THSD7A: variants seen among roughly 807,000 people sequenced by gnomAD.
THSD7A encodes the protein thrombospondin type 1 domain containing 7A.
THSD7A carries 96 observed loss-of-function variants against 231.3 expected under a neutral mutation model. That is an observed-to-expected ratio of 0.41 (90% CI 0.35 to 0.49). THSD7A has a LOEUF of 0.49. THSD7A is among the 20% of genes least tolerant of loss of function. The pLI is 0.05. For missense variants in THSD7A, 2,290 were observed against 2,070.2 expected (o/e 1.11, Z -2.06); for synonymous variants, 940 against 743.3 (o/e 1.26, Z -4.30).
At chr7:11,548,369 A>T (rs1212119075) in intron 4 of THSD7A, among the ~76,000 whole-genome samples, 1 of 151,924 alleles carries the variant, frequency 6.6e-6, no homozygotes, top group Non-Finnish European at 1.5e-5. Context: ...GTAATAAAAA[A>T]CCCTTACCAA....
rs117174654 is a variant in THSD7A at position 11,733,505 on chromosome 7, C to G, written c.191-96544G>C. ...AACTTTATCTGATCCTTTATATCTT[C>G]CATTTAGGTGTTTTGAGGTAGAGAA... On this transcript the variant is annotated intron_variant, in intron 1 of 27. Coordinates refer to ENST00000423059, the MANE Select transcript of THSD7A (RefSeq NM_015204.3). 9.5e-3 allele frequency among the ~76,000 whole-genome samples: 1,446 copies of G among 151,854 alleles called. 15 individuals are homozygous for G. The highest frequency in any genetic ancestry group is 0.015 in the Admixed American group (222 of 15,190).
chr7:11,702,139 T>C (rs189516883), intron 1 of THSD7A, among the ~76,000 whole-genome samples: 2 of 151,246 alleles, frequency 1.3e-5, no homozygotes, highest in African/African-American at 4.8e-5. Context: ...TCTATTGCTG[T>C]TTAACAGATC....
chr7:11,736,453 C>CTG (rs61483307), intron 1 of THSD7A, among the ~76,000 whole-genome samples: 14,425 of 143,472 alleles, frequency 0.1, 686 homozygotes, highest in East Asian at 0.16. Flanking sequence ...ACAGCAGACT[C>CTG]TGTGTGTGTG....
intron 24 of THSD7A, among the ~76,000 whole-genome samples, chr7:11,380,244 C>G (rs957909120): frequency 1.3e-5 from 2 of 152,076 alleles, no homozygotes; most frequent in Non-Finnish European, 2.9e-5. Context: ...ACAAATGTAT[C>G]TACGAAATCA....
intron 7 of THSD7A, among the ~76,000 whole-genome samples, chr7:11,481,353 G>C (rs1177235177): frequency 6.6e-6 from 1 of 152,060 alleles, no homozygotes; most frequent in Non-Finnish European, 1.5e-5. Context: ...AGCTATTCTT[G>C]TGATTTTAAA....
intron 1 of THSD7A, among the ~76,000 whole-genome samples, chr7:11,678,760 A>G (rs1230151358): frequency 6.6e-6 from 1 of 152,196 alleles, no homozygotes; most frequent in Non-Finnish European, 1.5e-5. Flanking sequence ...GCCGAATTCT[A>G]CCAGAGGTAC....
intron 13 of THSD7A, among the ~76,000 whole-genome samples, chr7:11,443,332 A>C (rs1027025959): frequency 2.0e-5 from 3 of 152,060 alleles, no homozygotes; most frequent in Non-Finnish European, 4.4e-5. Flanking sequence ...GGTTTTCTAC[A>C]TTATCACCTC....
chr7:11,747,430 A>C (rs1782346824), intron 1 of THSD7A, among the ~76,000 whole-genome samples: 1 of 151,988 alleles, frequency 6.6e-6, no homozygotes, highest in Non-Finnish European at 1.5e-5. Flanking sequence ...GAATACCAAA[A>C]TACAGAAAAA....
At chr7:11,577,240 T>A (rs1790953486) in intron 4 of THSD7A, among the ~76,000 whole-genome samples, 2 of 152,238 alleles carry the variant, frequency 1.3e-5, no homozygotes, top group Non-Finnish European at 2.9e-5. Flanking sequence ...ACTAGAAACT[T>A]AATTGATCCA....
intron 6 of THSD7A, among the ~76,000 whole-genome samples, chr7:11,540,793 A>T (rs1429080877): frequency 6.6e-6 from 1 of 152,202 alleles, no homozygotes; most frequent in Non-Finnish European, 1.5e-5. Flanking sequence ...TATTAGTTGT[A>T]AAAGTCCAAG....
At chr7:11,555,627 T>C (rs149864549) in intron 4 of THSD7A, among the ~76,000 whole-genome samples, 12 of 151,996 alleles carry the variant, frequency 7.9e-5, no homozygotes, top group African/African-American at 2.9e-4. Context: ...TTCGTCCTAA[T>C]TATTCTATGA....
intron 4 of THSD7A, among the ~76,000 whole-genome samples, chr7:11,580,801 C>G (rs1453145846): frequency 6.6e-6 from 1 of 152,064 alleles, no homozygotes; most frequent in African/African-American, 2.4e-5. Flanking sequence ...GGCTTAATAT[C>G]TGGGTGATGA....
rs1027258265 is a variant in THSD7A, at chr7:11,777,489, T to C, written c.190+54268A>G. Among the ~76,000 whole-genome samples the C allele has an allele frequency of 2.6e-5, 4 of 151,814 alleles. No individual in the cohort carries two copies. The East Asian group carries it at 7.7e-4, about 29-fold the overall frequency. On this transcript the variant is annotated intron_variant, in intron 1 of 27. Coordinates refer to ENST00000423059, the MANE Select transcript of THSD7A (RefSeq NM_015204.3). ...TTAACTGGCAGCCCTGAATCAATTATAGACCAGCATCTACAACAAATGCAT... is the reference window on the plus strand; with the variant it reads ...TTAACTGGCAGCCCTGAATCAATTACAGACCAGCATCTACAACAAATGCAT...
intron 6 of THSD7A, among the ~76,000 whole-genome samples, chr7:11,483,432 A>G (rs1313689017): frequency 6.6e-6 from 1 of 152,210 alleles, no homozygotes; most frequent in African/African-American, 2.4e-5. Context: ...TAAAATTGCA[A>G]TTGAGTAAAT....
intron 1 of THSD7A, among the ~76,000 whole-genome samples, chr7:11,725,899 G>A (rs1297442428): frequency 6.6e-6 from 1 of 151,794 alleles, no homozygotes; most frequent in Non-Finnish European, 1.5e-5. Flanking sequence ...TAATATTGTT[G>A]CAACATAAAA....
chr7:11,732,727 G>C (rs920359990), intron 1 of THSD7A, among the ~76,000 whole-genome samples: 9 of 151,748 alleles, frequency 5.9e-5, no homozygotes, highest in Non-Finnish European at 1.0e-4. Flanking sequence ...TAGATGTAAG[G>C]GTTGTGGCAG....
chr7:11,584,207 T>C (rs1403888400), intron 4 of THSD7A, among the ~76,000 whole-genome samples: 1 of 152,144 alleles, frequency 6.6e-6, no homozygotes, highest in Non-Finnish European at 1.5e-5. Context: ...TTCTGGGGAA[T>C]CATTTAGTTA....
intron 4 of THSD7A, among the ~76,000 whole-genome samples, chr7:11,548,514 C>T (rs542359693): frequency 6.6e-6 from 1 of 152,032 alleles, no homozygotes; most frequent in African/African-American, 2.4e-5. Context: ...TTCTATGAGG[C>T]TAGCATCATT....
rs748991955 is a variant in THSD7A, at chr7:11,636,739, T to C, written c.413A>G (p.Lys138Arg). The change falls in exon 2 of 28, where the codon AAA (lysine) becomes AGA (arginine). Residue 138 changes from lysine (K) to arginine (R), a missense_variant. Coordinates refer to ENST00000423059, the MANE Select transcript of THSD7A (RefSeq NM_015204.3). The surrounding 1 kb of genome is among the most constrained non-coding windows in gnomAD (Gnocchi z 10.0). ...PWNQCQPVIS[K>R]SLEKPLECIK... is the part of the protein sequence containing the mutation. ...GCACTCAAGAGGTTTCTCTAGGCTT[T>C]TTGAAATCACGGGCTGACACTGATT... The C allele has an allele frequency of 1.4e-5, 22 of 1,613,862 alleles. No homozygotes were observed. The East Asian group carries it at 4.9e-4, about 36-fold the overall frequency.
Sources: allele counts gnomAD v4.1 joint callset (sites outside exome capture counted in the v4.1 genomes callset), GRCh38; gene constraint gnomAD v4.1.1; non-coding constraint Gnocchi (gnomAD v3.1); transcripts MANE v1.5; gene names NCBI Gene and HGNC (gene_info 2026-07-23, HGNC 2026-07-21).